The following LINGO2 variants were observed in gnomAD, a reference collection of about 807,000 sequenced individuals.
LINGO2 encodes the protein leucine rich repeat and Ig domain containing 2, also known as leucine-rich repeat and immunoglobulin-like domain-containing nogo receptor-interacting protein 2.
Under a neutral mutation model 30.6 loss-of-function variants are expected in LINGO2, and 14 were observed. The ratio of observed to expected loss-of-function variants is 0.46; its 90% CI spans 0.30 to 0.72. The LOEUF (loss-of-function observed/expected upper bound fraction) is 0.72. Among genes scored for constraint, LINGO2 ranks in the 30% least tolerant of loss-of-function variants. The pLI, the probability that LINGO2 is intolerant of heterozygous loss-of-function variation, is 0.07. For missense variants in LINGO2, 729 were observed against 751.7 expected (o/e 0.97, Z 0.35); for synonymous variants, 317 against 288.5 (o/e 1.10, Z -1.00).
the LINGO2 span, among the ~76,000 whole-genome samples, chr9:28,883,630 A>ATGTG: frequency 5.5e-4 from 13 of 23,516 alleles, 1 homozygote; most frequent in South Asian, 5.9e-3. Context: ...GTGTGTGTGT[A>ATGTG]TATATATATA....
intron 1 of LINGO2, among the ~76,000 whole-genome samples, chr9:28,515,204 ATTTTTTT>A (rs58265226): frequency 9.7e-6 from 1 of 102,982 alleles, no homozygotes; most frequent in African/African-American, 3.3e-5. Flanking sequence ...TAAGAAATAC[ATTTTTTT>A]TTTTTTTTTT....
chr9:28,666,038 T>C (rs1472976092), intron 1 of LINGO2, among the ~76,000 whole-genome samples: 2 of 151,810 alleles, frequency 1.3e-5, no homozygotes, highest in East Asian at 3.9e-4. Flanking sequence ...ATTACACACA[T>C]GCACCACGAC....
At chr9:29,132,063 T>C in the LINGO2 span, among the ~76,000 whole-genome samples, 1 of 151,832 alleles carries the variant, frequency 6.6e-6, no homozygotes, top group South Asian at 2.1e-4. Context: ...ATCAAGAAGC[T>C]ACCCTGACTC....
intron 4 of LINGO2, among the ~76,000 whole-genome samples, chr9:28,155,635 A>T (rs1365033728): frequency 6.6e-6 from 1 of 152,202 alleles, no homozygotes; most frequent in Admixed American, 6.5e-5. Flanking sequence ...TATGAGACAA[A>T]ATCAGCCCTG....
At chr9:28,227,860 C>A (rs1821223505) in intron 4 of LINGO2, among the ~76,000 whole-genome samples, 1 of 152,032 alleles carries the variant, frequency 6.6e-6, no homozygotes, top group Non-Finnish European at 1.5e-5. Flanking sequence ...GCCATAACAT[C>A]TACAGGATAC....
At chr9:28,367,880 G>T (rs1328575157) in intron 3 of LINGO2, among the ~76,000 whole-genome samples, 5 of 151,690 alleles carry the variant, frequency 3.3e-5, no homozygotes, top group South Asian at 2.1e-4. Flanking sequence ...ATTAATTCTG[G>T]TTTATTGAAC....
chr9:29,082,184 C>T, the LINGO2 span, among the ~76,000 whole-genome samples: 3 of 152,120 alleles, frequency 2.0e-5, no homozygotes, highest in South Asian at 2.1e-4. Context: ...AACTATACTA[C>T]AAGGCTACAG....
intron 4 of LINGO2, among the ~76,000 whole-genome samples, chr9:28,137,681 G>A (rs956380481): frequency 1.3e-5 from 2 of 151,950 alleles, no homozygotes; most frequent in African/African-American, 4.8e-5. Context: ...GAAGTCTGAT[G>A]TATTCTTATG....
chr9:28,797,359 T>TATATATATATAGAGAGAG, the LINGO2 span, among the ~76,000 whole-genome samples: 12 of 34,212 alleles, frequency 3.5e-4, no homozygotes, highest in African/African-American at 5.8e-4. Context: ...TATATATATA[T>TATATATATATAGAGAGAG]AGAGAGAGAG....
At chr9:29,128,106 A>T in the LINGO2 span, among the ~76,000 whole-genome samples, 1 of 152,120 alleles carries the variant, frequency 6.6e-6, no homozygotes, top group Non-Finnish European at 1.5e-5. Context: ...TCATCCAGGG[A>T]CAAAAGAAAA....
intron 4 of LINGO2, among the ~76,000 whole-genome samples, chr9:28,077,969 G>A (rs1314184862): frequency 6.7e-6 from 1 of 149,208 alleles, no homozygotes; most frequent in Non-Finnish European, 1.5e-5. Flanking sequence ...AGAGAATGAT[G>A]TGGTTGTAAT....
At chr9:29,143,902 G>T in the LINGO2 span, among the ~76,000 whole-genome samples, 1 of 152,106 alleles carries the variant, frequency 6.6e-6, no homozygotes, top group Non-Finnish European at 1.5e-5. Context: ...TATAGTTTGG[G>T]TTGCACATTA....
intron 4 of LINGO2, among the ~76,000 whole-genome samples, chr9:28,077,876 C>A (rs537649038): frequency 6.7e-6 from 1 of 148,936 alleles, no homozygotes; most frequent in South Asian, 2.1e-4. Flanking sequence ...TTTTCAGTTA[C>A]TTGTCTTTGT....
chr9:28,727,570 G>C, the LINGO2 span, among the ~76,000 whole-genome samples: 1 of 152,180 alleles, frequency 6.6e-6, no homozygotes, highest in Non-Finnish European at 1.5e-5. Flanking sequence ...TTACAGGCGT[G>C]AGCCACCACG....
intron 5 of LINGO2, among the ~76,000 whole-genome samples, chr9:27,955,971 C>G (rs1819546482): frequency 7.7e-6 from 1 of 129,722 alleles, no homozygotes; most frequent in Non-Finnish European, 1.6e-5. Context: ...CGGAGTTTCG[C>G]TCTTGTTGCC....
chr9:28,842,906 T>C, the LINGO2 span, among the ~76,000 whole-genome samples: 3 of 151,954 alleles, frequency 2.0e-5, no homozygotes, highest in Non-Finnish European at 2.9e-5. Flanking sequence ...GAGTCTGTTA[T>C]TGACTGTTGG....
At chr9:28,166,850 A>G (rs1365301097) in intron 4 of LINGO2, among the ~76,000 whole-genome samples, 1 of 151,980 alleles carries the variant, frequency 6.6e-6, no homozygotes, top group Non-Finnish European at 1.5e-5. Context: ...CTTGTCTACT[A>G]TTACTCTTAC....
At chr9:28,958,674 G>T in the LINGO2 span, among the ~76,000 whole-genome samples, 1 of 151,880 alleles carries the variant, frequency 6.6e-6, no homozygotes, top group African/African-American at 2.4e-5. Context: ...AAACTGCTGT[G>T]AGGTACACTG....
intron 1 of LINGO2, among the ~76,000 whole-genome samples, chr9:28,664,628 A>G (rs1828719123): frequency 6.6e-6 from 1 of 152,000 alleles, no homozygotes; most frequent in African/African-American, 2.4e-5. Context: ...AACATACACA[A>G]ATTTTCATCA....
Sources: gnomAD v4.1 joint callset for allele counts (sites outside exome capture counted in the v4.1 genomes callset) on GRCh38, gnomAD v4.1.1 for gene constraint, MANE v1.5 for transcripts, NCBI Gene and HGNC (gene_info 2026-07-23, HGNC 2026-07-21) for gene names.